CAMK2B: variants seen among roughly 807,000 people sequenced by gnomAD.
The protein encoded by CAMK2B is calcium/calmodulin-dependent protein kinase type II subunit beta.
Under a neutral mutation model 93.7 loss-of-function variants are expected in CAMK2B, and 27 were observed. The observed-to-expected ratio is 0.29, with a 90% CI of 0.21 to 0.40. The LOEUF is 0.40. CAMK2B is among the 10% of genes least tolerant of loss of function. The pLI is 1.00. For missense variants in CAMK2B, 568 were observed against 895.8 expected (o/e 0.63, Z 4.67); for synonymous variants, 374 against 358.8 (o/e 1.04, Z -0.48).
At chr7:44,262,896 A>C (rs1210077990) in intron 3 of CAMK2B, 109 bp downstream of exon 3, 1 of 951,136 alleles carries the variant, frequency 1.1e-6, no homozygotes, top group African/African-American at 1.6e-5. Flanking sequence ...ACAGAGAAGA[A>C]AAGGAAGTCT....
intron 4 of CAMK2B, among the ~76,000 whole-genome samples, 186 bp from the exon 5 acceptor site, chr7:44,254,793 C>T (rs1255041225): frequency 2.2e-3 from 1 of 462 alleles, no homozygotes; most frequent in Non-Finnish European, 4.8e-3. Context: ...ATCACCAGCA[C>T]CACCACCTCC....
chr7:44,259,919 T>G (rs938056109), intron 3 of CAMK2B, among the ~76,000 whole-genome samples: 1 of 150,736 alleles, frequency 6.6e-6, no homozygotes. Flanking sequence ...CCCCGAGAAG[T>G]TACAGATGAG....
rs1584483728 is a variant in CAMK2B at position 44,274,902 on chromosome 7, G to C, written c.160+9229C>G. Among the ~76,000 whole-genome samples the C allele has an allele frequency of 2.0e-5, 3 of 152,180 alleles. No homozygotes were observed. The East Asian group carries it at 5.8e-4, about 29-fold the overall frequency. ...GAAGTAAGGATCCCACCAGATGTGG[G>C]AACTGTCAGTGCTAGAAAAGCCAGG... On this transcript the variant is annotated intron_variant, in intron 2 of 23. Coordinates refer to ENST00000395749, the MANE Select transcript of CAMK2B (RefSeq NM_001220.5).
At position 44,228,841 on chromosome 7, in the gene CAMK2B, G is replaced by A. The variant is rs1252609453; in HGVS notation, c.1423C>T (p.Pro475Ser). 1.3e-6 allele frequency: 2 copies of A among 1,499,934 alleles called. No individual in the cohort carries two copies. Among genetic ancestry groups the A allele is most frequent in the Non-Finnish European group, 1.8e-6 (2 of 1,125,410 alleles). The allele number at this position is 1,499,934 out of a possible 1,614,324, so 92.9% of individuals were successfully genotyped here. A position where few individuals can be genotyped will look rare whatever the true frequency, so the allele number is the denominator to read the frequency against. Reference sequence around the variant, plus strand: ...AGGAGAGCCGGAGACAGGCAGGGCGGGGGCCCCGCTGAGAGGGGGCCCTCG... The same window carrying A: ...AGGAGAGCCGGAGACAGGCAGGGCGAGGGCCCCGCTGAGAGGGGGCCCTCG... ...EAEGPLSAGP[P>S]PCLSPALLGP... The change falls in exon 19 of 24, where the codon CCG becomes TCG. Residue 475 changes from proline (P) to serine (S), a missense_variant. Physicochemically the swap from Pro to Ser is moderately conservative, Grantham distance 74. Coordinates refer to ENST00000395749, the MANE Select transcript of CAMK2B (RefSeq NM_001220.5).
chr7:44,244,524 C>T (rs2096712279), intron 6 of CAMK2B, among the ~76,000 whole-genome samples: 1 of 151,970 alleles, frequency 6.6e-6, no homozygotes, highest in Non-Finnish European at 1.5e-5. Flanking sequence ...GCCTCCCAGG[C>T]CACCCCTTTG....
At position 44,302,908 on chromosome 7, in the gene CAMK2B, C is replaced by A. The variant is rs1254766784; in HGVS notation, c.66-18683G>T. ...ACATCTTACTGGAAGTCCTAGCTAACATAATAAGGCAAGAAAAGGAAATAA... is the reference window on the plus strand; with the variant it reads ...ACATCTTACTGGAAGTCCTAGCTAAAATAATAAGGCAAGAAAAGGAAATAA... On this transcript the variant is annotated intron_variant, in intron 1 of 23. Transcript: ENST00000395749. 2.0e-5 allele frequency among the ~76,000 whole-genome samples: 3 copies of A among 151,950 alleles called. No homozygotes were observed. In the East Asian group the frequency reaches 5.8e-4, roughly 29 times the overall value.
At chr7:44,301,919 G>C (rs911490956) in intron 1 of CAMK2B, among the ~76,000 whole-genome samples, 5 of 151,836 alleles carry the variant, frequency 3.3e-5, no homozygotes, top group African/African-American at 1.2e-4. Context: ...TCAATGAATT[G>C]TGCAAACAAG....
chr7:44,277,592 T>C (rs556468114), intron 2 of CAMK2B, among the ~76,000 whole-genome samples: 63 of 152,224 alleles, frequency 4.1e-4, no homozygotes, highest in African/African-American at 1.3e-3. Context: ...TCCTAGTGAC[T>C]CTCAAGGAGT....
rs1338579652 is a variant in CAMK2B, at chr7:44,311,358, G to A, written c.65+13999C>T. On this transcript the variant is annotated intron_variant, in intron 1 of 23. Coordinates refer to ENST00000395749, the MANE Select transcript of CAMK2B (RefSeq NM_001220.5). The surrounding 1 kb of genome is among the most constrained non-coding windows in gnomAD (Gnocchi z 4.2). ...CCCAAAGTGCTGGGATTACAGGCGTGAGCCACCGCACTCAGCCAAAATCTG... is the reference window on the plus strand; with the variant it reads ...CCCAAAGTGCTGGGATTACAGGCGTAAGCCACCGCACTCAGCCAAAATCTG... 6.6e-6 allele frequency among the ~76,000 whole-genome samples: 1 copy of A among 152,226 alleles called. No individual in the cohort carries two copies. The highest frequency in any genetic ancestry group is 1.5e-5 in the Non-Finnish European group (1 of 68,038).
rs890666026 is a variant in CAMK2B, at chr7:44,271,966, G to A, written c.161-8902C>T. On this transcript the variant is annotated intron_variant, in intron 2 of 23. Coordinates refer to ENST00000395749, the MANE Select transcript of CAMK2B (RefSeq NM_001220.5). This position sits in a 1 kb window ranked among gnomAD's most constrained non-coding sequence, Gnocchi z 4.2. ...CTGCTCATGGCACCCATGAAACAGG[G>A]CTGTTGCTGCGTCACCCCAGCTTTC... 6.6e-6 allele frequency among the ~76,000 whole-genome samples: 1 copy of A among 152,240 alleles called. No individual in the cohort carries two copies. Among genetic ancestry groups the A allele is most frequent in the Non-Finnish European group, 1.5e-5 (1 of 68,032 alleles).
rs1327981826 is a variant in CAMK2B, at chr7:44,219,286, T to TG, written c.*238_*239insC. 9 of 150,554 alleles carry TG rather than the reference T, an allele frequency of 6.0e-5. No homozygotes were observed. In the East Asian group the frequency reaches 1.7e-3, roughly 29 times the overall value. The allele number at this position is 150,554 out of a possible 1,614,324, so 9.3% of individuals were successfully genotyped here. On this transcript the variant is annotated 3_prime_UTR_variant, in exon 24 of 24. Coordinates refer to ENST00000395749, the MANE Select transcript of CAMK2B (RefSeq NM_001220.5). ...TTTCCTTCCTTTAGTTTTTTTTGTT[T>TG]TTTTTTTTTTTCATTTCATCTGATG...
At chr7:44,320,781 T>G (rs1026165688) in intron 1 of CAMK2B, among the ~76,000 whole-genome samples, 1 of 152,232 alleles carries the variant, frequency 6.6e-6, no homozygotes, top group African/African-American at 2.4e-5. Context: ...GCTGGCCTCC[T>G]GGGAGCCAGG....
chr7:44,251,645 G>A (rs1031271099), intron 5 of CAMK2B, among the ~76,000 whole-genome samples: 1 of 152,192 alleles, frequency 6.6e-6, no homozygotes, highest in African/African-American at 2.4e-5. Flanking sequence ...GCTCCCCACA[G>A]TCTGGCTATG....
intron 11 of CAMK2B, 108 bp from the exon 12 acceptor site, chr7:44,240,857 C>A: frequency 8.5e-7 from 1 of 1,172,022 alleles, no homozygotes; most frequent in South Asian, 1.3e-5. Flanking sequence ...GCCTCATTGT[C>A]ATGAGGCTGA....
At chr7:44,314,181 A>G (rs956197080) in intron 1 of CAMK2B, among the ~76,000 whole-genome samples, 1 of 152,248 alleles carries the variant, frequency 6.6e-6, no homozygotes, top group African/African-American at 2.4e-5. Flanking sequence ...TCAGATAAAT[A>G]TATCTCAACA....
Position 44,225,801 on chromosome 7 carries a change from A to G in CAMK2B, c.1597+715T>C. 7.8e-7 allele frequency: 1 copy of G among 1,289,458 alleles called. No homozygotes were observed. The highest frequency in any genetic ancestry group is 1.2e-5 in the South Asian group (1 of 81,028). 79.9% of individuals were successfully genotyped at this position (1,289,458 alleles called of 1,614,324 possible). A position where few individuals can be genotyped will look rare whatever the true frequency, so the allele number is the denominator to read the frequency against. ...TGCCATGCCGAGCCCGTGGCCCAGC[A>G]GCCTCTTCTCTAAGAGTATCTCCAC... On this transcript the variant is annotated intron_variant, in intron 20 of 23. Coordinates refer to ENST00000395749, the MANE Select transcript of CAMK2B (RefSeq NM_001220.5). This position sits in a 1 kb window ranked among gnomAD's most constrained non-coding sequence, Gnocchi z 5.0.
intron 5 of CAMK2B, among the ~76,000 whole-genome samples, chr7:44,247,548 G>A (rs1380452517): frequency 6.6e-6 from 1 of 152,032 alleles, no homozygotes; most frequent in Non-Finnish European, 1.5e-5. Flanking sequence ...TCTGTACCCT[G>A]TAAGGCAGGC....
intron 1 of CAMK2B, among the ~76,000 whole-genome samples, chr7:44,323,094 T>C (rs1466672544): frequency 6.6e-6 from 1 of 152,204 alleles, no homozygotes; most frequent in Non-Finnish European, 1.5e-5. Context: ...GGCCCACCTC[T>C]ATGGCACGGC....
intron 17 of CAMK2B, 127 bp from the exon 18 acceptor site, chr7:44,229,628 G>C: frequency 5.9e-6 from 2 of 338,748 alleles, no homozygotes; most frequent in Non-Finnish European, 4.9e-6. Context: ...GGGCTCCTGG[G>C]GTGGAGGTGG....
Sources: allele counts gnomAD v4.1 joint callset (sites outside exome capture counted in the v4.1 genomes callset), GRCh38; gene constraint gnomAD v4.1.1; non-coding constraint Gnocchi (gnomAD v3.1); transcripts MANE v1.5; gene names NCBI Gene and HGNC (gene_info 2026-07-23, HGNC 2026-07-21).